REV3L: variants seen among roughly 807,000 people sequenced by gnomAD.
REV3L encodes REV3 like, DNA directed polymerase zeta catalytic subunit.
A neutral mutation model predicts 299.4 loss-of-function variants in REV3L; 69 were observed. The observed-to-expected ratio is 0.23, with a 90% CI of 0.19 to 0.28. REV3L has a LOEUF of 0.28. Among genes scored for constraint, REV3L ranks in the 10% least tolerant of loss-of-function variants. REV3L has a pLI of 1.00. For missense variants in REV3L, 3,128 were observed against 3,693.8 expected, an observed-to-expected ratio of 0.85 and a Z score of 3.97; for synonymous variants, 1,238 against 1,271.4, an observed-to-expected ratio of 0.97 and a Z score of 0.56.
chr6:111,421,546 T>C (rs1352378180), intron 1 of REV3L, among the ~76,000 whole-genome samples: 1 of 152,128 alleles, frequency 6.6e-6, no homozygotes, highest in Non-Finnish European at 1.5e-5. Context: ...GGCCCATGGA[T>C]AGTAGTTTGC....
At chr6:111,471,306 T>C (rs1263942876) in intron 1 of REV3L, among the ~76,000 whole-genome samples, 1 of 152,176 alleles carries the variant, frequency 6.6e-6, no homozygotes, top group Admixed American at 6.5e-5. Context: ...TTTCAGGTCC[T>C]GATGGACCAC....
chr6:111,406,569 A>G (rs1011796430), intron 3 of REV3L, among the ~76,000 whole-genome samples: 5 of 152,208 alleles, frequency 3.3e-5, no homozygotes, highest in Non-Finnish European at 7.3e-5. Context: ...CAGGAGACAT[A>G]TAAGGGGTGA....
chr6:111,330,332 G>T, intron 24 of REV3L: 2 of 451,418 alleles, frequency 4.4e-6, no homozygotes, highest in Non-Finnish European at 9.0e-6. Flanking sequence ...GGGATGAATA[G>T]TGAGGTGATA....
intron 1 of REV3L, among the ~76,000 whole-genome samples, chr6:111,448,179 A>C (rs914735922): frequency 1.3e-5 from 2 of 152,178 alleles, no homozygotes; most frequent in African/African-American, 4.8e-5. Flanking sequence ...TTAACAGGCA[A>C]GTGAGAGCCA....
intron 4 of REV3L, among the ~76,000 whole-genome samples, chr6:111,395,348 G>A (rs1226101455): frequency 2.6e-5 from 4 of 152,124 alleles, no homozygotes; most frequent in Non-Finnish European, 5.9e-5. Context: ...AACATGGGAT[G>A]TCTCCCATTT....
At chr6:111,407,527 C>T (rs1170705893) in intron 3 of REV3L, among the ~76,000 whole-genome samples, 2 of 152,142 alleles carry the variant, frequency 1.3e-5, no homozygotes, top group African/African-American at 4.8e-5. Context: ...ATAAGCATCA[C>T]CATGAGGTCA....
intron 29 of REV3L, chr6:111,310,395 A>G (rs917288967): frequency 1.5e-5 from 3 of 197,566 alleles, no homozygotes; most frequent in Non-Finnish European, 3.0e-5. Context: ...GTGGTGGCTC[A>G]TGCCTGTAAT....
chr6:111,315,582 T>G, intron 26 of REV3L: 2 of 554,254 alleles, frequency 3.6e-6, no homozygotes, highest in Admixed American at 3.1e-5. Flanking sequence ...ACAAATCTTT[T>G]AAGACATCCA....
Position 111,373,961 on chromosome 6 carries a change from C to T in REV3L, c.4394G>A (p.Ser1465Asn). 1 of 1,614,082 alleles carries T rather than the reference C, an allele frequency of 6.2e-7. No individual in the cohort carries two copies. Among genetic ancestry groups the T allele is most frequent in the Non-Finnish European group, 8.5e-7 (1 of 1,179,986 alleles). The change falls in exon 13 of 32, where the codon AGT becomes AAT. Residue 1465 changes from serine (S) to asparagine (N), a missense_variant. By Grantham distance (46) the Ser-to-Asn change is conservative. Coordinates refer to ENST00000368802, the MANE Select transcript of REV3L (RefSeq NM_001372078.1). The part of the protein sequence containing the change: ...PNNCFVTSLR[S>N]PIKQIAWEQK... The stretch of plus-strand genomic sequence containing the variant: ...CTCCCATGCTATTTGTTTGATTGGA[C>T]TTCTCAAGGAAGTTACAAAGCAATT...
At chr6:111,434,495 T>C (rs7761666) in intron 1 of REV3L, among the ~76,000 whole-genome samples, 95,693 of 151,488 alleles carry the variant, frequency 0.63, 34,479 homozygotes, top group Non-Finnish European at 0.82. Context: ...GGCGGGCGCC[T>C]GTAGTCCCAG....
intron 1 of REV3L, among the ~76,000 whole-genome samples, chr6:111,453,047 T>C (rs1789743894): frequency 6.6e-6 from 1 of 152,084 alleles, no homozygotes; most frequent in Non-Finnish European, 1.5e-5. Flanking sequence ...CATTCAATAA[T>C]AAGAACAATC....
At chr6:111,306,982 A>T (rs1412861957) in intron 31 of REV3L, among the ~76,000 whole-genome samples, 1 of 152,128 alleles carries the variant, frequency 6.6e-6, no homozygotes, top group Non-Finnish European at 1.5e-5. Context: ...CTGAACTCTG[A>T]AATGCTCTCA....
chr6:111,341,291 GC>G lies in REV3L; in HGVS notation c.7538+2633del, dbSNP rs60557774. On this transcript the variant is annotated intron_variant, in intron 21 of 31. Coordinates refer to ENST00000368802, the MANE Select transcript of REV3L (RefSeq NM_001372078.1). ...TCGAACTCCTGACCTCAGGTGATCC[GC>G]CCGCCTCGGCATTCCAAAGCACTGA... is the stretch of plus-strand genomic sequence containing the variant. Among the ~76,000 whole-genome samples, 455 of 152,126 alleles carry G rather than the reference GC, an allele frequency of 3.0e-3. 24 individuals are homozygous for G. In the East Asian group the frequency reaches 0.085, roughly 29 times the overall value.
Position 111,392,974 on chromosome 6 carries a change from T to C in REV3L, c.566-2A>G. The C allele has an allele frequency of 6.4e-7, 1 of 1,574,610 alleles. No individual in the cohort carries two copies. The highest frequency in any genetic ancestry group is 8.7e-7 in the Non-Finnish European group (1 of 1,144,668). On this transcript the variant is annotated splice_acceptor_variant, in intron 4 of 31. Coordinates refer to ENST00000368802, the MANE Select transcript of REV3L (RefSeq NM_001372078.1). LOFTEE classifies it high-confidence loss of function. ...ATCCAGTTGCATGCAATGTATTACC[T>C]AGGAATAGAAAGGTAAAAGGAATAA...
At chr6:111,317,127 A>C (rs1306765530) in intron 26 of REV3L, among the ~76,000 whole-genome samples, 4 of 152,188 alleles carry the variant, frequency 2.6e-5, no homozygotes, top group Non-Finnish European at 5.9e-5. Flanking sequence ...CATGACTTTA[A>C]GATTCTTTTT....
intron 30 of REV3L, among the ~76,000 whole-genome samples, chr6:111,308,598 T>C (rs1182557003): frequency 1.3e-5 from 2 of 152,246 alleles, no homozygotes; most frequent in Admixed American, 6.5e-5. Context: ...GGAACAACTA[T>C]AATGCTATTT....
Position 111,299,781 on chromosome 6 carries a change from C to A in REV3L, c.*235G>T. 1 of 327,822 alleles carries A rather than the reference C, an allele frequency of 3.1e-6. No individual in the cohort carries two copies. The highest frequency in any genetic ancestry group is 5.5e-6 in the Non-Finnish European group (1 of 180,946). The allele number at this position is 327,822 out of a possible 1,614,324, so 20.3% of individuals were successfully genotyped here. A position where few individuals can be genotyped will look rare whatever the true frequency, so the allele number is the denominator to read the frequency against. Reference sequence around the variant, plus strand: ...CATACTGGAGCAAATCCAACACCTGCATTATAAAACAATGTTTAAAAGGTG... The same window carrying A: ...CATACTGGAGCAAATCCAACACCTGAATTATAAAACAATGTTTAAAAGGTG... On this transcript the variant is annotated 3_prime_UTR_variant, in exon 32 of 32. Transcript: ENST00000368802.
At chr6:111,475,709 A>G (rs915504654) in intron 1 of REV3L, among the ~76,000 whole-genome samples, 71 of 152,330 alleles carry the variant, frequency 4.7e-4, no homozygotes, top group African/African-American at 1.6e-3. Context: ...AAGTATACAA[A>G]TAAGTTTTAC....
At chr6:111,418,809 T>C (rs1029505981) in intron 1 of REV3L, among the ~76,000 whole-genome samples, 1 of 152,078 alleles carries the variant, frequency 6.6e-6, no homozygotes, top group Admixed American at 6.6e-5. Context: ...CTTAGGGAGG[T>C]GTTATTGTGT....
Sources: allele counts gnomAD v4.1 joint callset (sites outside exome capture counted in the v4.1 genomes callset), GRCh38; gene constraint gnomAD v4.1.1; transcripts MANE v1.5; gene names NCBI Gene and HGNC (gene_info 2026-07-23, HGNC 2026-07-21).